Variants in RBFOX3 observed in about 807,000 individuals in gnomAD.
The protein encoded by RBFOX3 is RNA binding fox-1 homolog 3, also known as RNA binding protein fox-1 homolog 3.
In RBFOX3, 17 loss-of-function variants were observed where a neutral mutation model predicts 48.7. The observed-to-expected ratio is 0.35, with a 90% CI of 0.24 to 0.52. The LOEUF is 0.52. Ranked by LOEUF, RBFOX3 falls within the 20% of genes least tolerant of loss-of-function variation. The pLI is 0.94. For missense variants in RBFOX3, 382 were observed against 497.5 expected, an observed-to-expected ratio of 0.77 and a Z score of 2.21; for synonymous variants, 212 against 209.5, an observed-to-expected ratio of 1.01 and a Z score of -0.10.
At chr17:79,393,939 A>G (rs149312871) in intron 2 of RBFOX3, among the ~76,000 whole-genome samples, 1 of 110,918 alleles carries the variant, frequency 9.0e-6, no homozygotes, top group African/African-American at 3.1e-5. Flanking sequence ...CGGTCATCAT[A>G]CACATCATCT....
At chr17:79,127,315 C>G (rs770435702) in intron 4 of RBFOX3, among the ~76,000 whole-genome samples, 1 of 152,080 alleles carries the variant, frequency 6.6e-6, no homozygotes, top group Non-Finnish European at 1.5e-5. Context: ...GTAGTTTCCA[C>G]GAGCCAGAGG....
At chr17:79,301,955 G>A (rs533314554) in intron 3 of RBFOX3, among the ~76,000 whole-genome samples, 148 of 152,264 alleles carry the variant, frequency 9.7e-4, no homozygotes, top group Non-Finnish European at 1.6e-3. Context: ...ACTGGGGGAG[G>A]GGGTGGTTTC....
At position 79,094,494 on chromosome 17, in the gene RBFOX3, T is replaced by C; in HGVS notation, c.1034A>G (p.His345Arg). The change falls in exon 14 of 15, where the codon CAT becomes CGT. Residue 345 changes from histidine to arginine, a missense_variant. His to Arg is a conservative substitution (Grantham distance 29). Around this residue, in one of 3 missense-constraint regions of RBFOX3, gnomAD observed 215 missense variants for 254.8 expected, o/e 0.84. Coordinates refer to ENST00000693108, the MANE Select transcript of RBFOX3 (RefSeq NM_001350451.2). Reference sequence around the variant, plus strand: ...GGTCGCCGCGGGCCCGATGGTGTGATGGTACGGGTCGGCAGCTGCGTAGAC... The same window carrying C: ...GGTCGCCGCGGGCCCGATGGTGTGACGGTACGGGTCGGCAGCTGCGTAGAC... ...GRVYAAADPY[H>R]HTIGPAATYS... 1 of 1,380,338 alleles carries C rather than the reference T, an allele frequency of 7.2e-7. No individual in the cohort carries two copies. The highest frequency in any genetic ancestry group is 9.4e-7 in the Non-Finnish European group (1 of 1,058,634). The allele number at this position is 1,380,338 out of a possible 1,614,324, so 85.5% of individuals were successfully genotyped here. A position where few individuals can be genotyped will look rare whatever the true frequency, so the allele number is the denominator to read the frequency against.
intron 2 of RBFOX3, among the ~76,000 whole-genome samples, chr17:79,385,751 G>C (rs1330393311): frequency 6.6e-6 from 1 of 152,028 alleles, no homozygotes; most frequent in Non-Finnish European, 1.5e-5. Flanking sequence ...ATTACAGATG[G>C]GGGCTCCATC....
intron 3 of RBFOX3, among the ~76,000 whole-genome samples, chr17:79,297,992 G>A (rs1168476845): frequency 6.6e-6 from 1 of 152,226 alleles, no homozygotes; most frequent in Admixed American, 6.5e-5. Flanking sequence ...TCTCCTTGTG[G>A]AGAGTTCGCC....
Position 79,479,939 on chromosome 17 carries a change from GGGGGTCTCTCGTCCTGCACT to G in RBFOX3, c.-175+2495_-175+2514del, listed in dbSNP as rs2078537528. Among the ~76,000 whole-genome samples the G allele has an allele frequency of 6.6e-6, 1 of 152,204 alleles. No individual in the cohort carries two copies. The highest frequency in any genetic ancestry group is 6.5e-5 in the Admixed American group (1 of 15,282). On this transcript the variant is annotated intron_variant, in intron 2 of 14. Transcript: ENST00000693108. The surrounding 1 kb of genome is among the most constrained non-coding windows in gnomAD (Gnocchi z 5.1). ...GTTCCAGAGACAGAGCATGATCTCAGGGGGTCTCTCGTCCTGCACTGAGGCCAGCCCCAAACCTCGTGCCC... is the reference window on the plus strand; with the variant it reads ...GTTCCAGAGACAGAGCATGATCTCAGGAGGCCAGCCCCAAACCTCGTGCCC...
intron 4 of RBFOX3, among the ~76,000 whole-genome samples, chr17:79,215,918 G>A (rs879854509): frequency 9.2e-5 from 14 of 152,374 alleles, no homozygotes; most frequent in South Asian, 8.3e-4. Context: ...GCATTTGGAC[G>A]TCGTCCTGAG....
chr17:79,514,095 G>A (rs1389802713), intron 1 of RBFOX3, among the ~76,000 whole-genome samples: 2 of 152,166 alleles, frequency 1.3e-5, no homozygotes, highest in African/African-American at 2.4e-5. Context: ...GTTGCTGGGT[G>A]GGGACCATGT....
intron 4 of RBFOX3, among the ~76,000 whole-genome samples, chr17:79,215,972 T>C (rs2612753): frequency 2.6e-5 from 4 of 152,182 alleles, no homozygotes; most frequent in East Asian, 1.9e-4. Context: ...TTTAACCCGA[T>C]AGCCTTGCAA....
chr17:79,653,531 G>T, the RBFOX3 span, among the ~76,000 whole-genome samples: 1 of 152,128 alleles, frequency 6.6e-6, no homozygotes, highest in Admixed American at 6.5e-5. Flanking sequence ...TTGTTTAGGT[G>T]TAAGTGAGAT....
rs2056907648 is a variant in RBFOX3, at chr17:79,202,471, TAAGCGCAGAGCCATAC to T, written c.-34+33279_-34+33294del. Among the ~76,000 whole-genome samples, 5 of 152,190 alleles carry T rather than the reference TAAGCGCAGAGCCATAC, an allele frequency of 3.3e-5. No homozygotes were observed. In the South Asian group the frequency reaches 1.0e-3, roughly 31 times the overall value. On this transcript the variant is annotated intron_variant, in intron 4 of 14. Coordinates refer to ENST00000693108, the MANE Select transcript of RBFOX3 (RefSeq NM_001350451.2). ...GGGGTGCTGGGAGCAATCCCTTATA[TAAGCGCAGAGCCATAC>T]AGCTTACGAAAATTTCACCAACACC...
At chr17:79,137,015 C>A (rs565121871) in intron 4 of RBFOX3, among the ~76,000 whole-genome samples, 1 of 152,292 alleles carries the variant, frequency 6.6e-6, no homozygotes, top group Admixed American at 6.5e-5. Flanking sequence ...CCTTCACAAC[C>A]CTGGCATCCC....
rs1317163943 is a variant in RBFOX3, at chr17:79,404,340, G to T, written c.-175+78114C>A. 3.7e-5 allele frequency among the ~76,000 whole-genome samples: 3 copies of T among 81,582 alleles called. No homozygotes were observed. In the Admixed American group the frequency reaches 4.1e-4, roughly 11 times the overall value. The allele number at this position is 81,582 out of a possible 152,430, so 53.5% of individuals were successfully genotyped here. A position where few individuals can be genotyped will look rare whatever the true frequency, so the allele number is the denominator to read the frequency against. On this transcript the variant is annotated intron_variant, in intron 2 of 14. Transcript: ENST00000693108. ...CTCCCTCCTAAGCCAACTCTTTGAG[G>T]TGAGCAGTCTACACTCCGGGCATGA...
At chr17:79,518,229 C>T (rs1213431407) in intron 1 of RBFOX3, among the ~76,000 whole-genome samples, 4 of 152,208 alleles carry the variant, frequency 2.6e-5, no homozygotes, top group African/African-American at 9.7e-5. Context: ...CTCCTCTTTT[C>T]GCCTTGGTGT....
rs767559871 is a variant in RBFOX3 at position 79,111,820 on chromosome 17, T to A, written c.222+3674A>T. Among the ~76,000 whole-genome samples, 11 of 152,350 alleles carry A rather than the reference T, an allele frequency of 7.2e-5. No homozygotes were observed. Among genetic ancestry groups the A allele is most frequent in the Non-Finnish European group, 1.3e-4 (9 of 68,036 alleles). The stretch of plus-strand genomic sequence containing the variant: ...GCGTGACCCCGAGTGAGTGAATACA[T>A]GCTCCAGATGGTGACCCCTGCTGGG... On this transcript the variant is annotated intron_variant, in intron 5 of 14. Coordinates refer to ENST00000693108, the MANE Select transcript of RBFOX3 (RefSeq NM_001350451.2). This position sits in a 1 kb window ranked among gnomAD's most constrained non-coding sequence, Gnocchi z 4.2.
At chr17:79,321,810 A>T (rs2078567471) in intron 2 of RBFOX3, among the ~76,000 whole-genome samples, 1 of 151,544 alleles carries the variant, frequency 6.6e-6, no homozygotes, top group African/African-American at 2.4e-5. Context: ...GGTTCAAGCA[A>T]ATCTCCAGCC....
chr17:79,636,279 ATG>A, the RBFOX3 span, among the ~76,000 whole-genome samples: 1 of 152,054 alleles, frequency 6.6e-6, no homozygotes, highest in Admixed American at 6.5e-5. Context: ...ATAAAGGATT[ATG>A]TGTGTGTGTG....
Position 79,423,902 on chromosome 17 carries a change from G to A in RBFOX3, c.-175+58552C>T, listed in dbSNP as rs62061671. On this transcript the variant is annotated intron_variant, in intron 2 of 14. Coordinates refer to ENST00000693108, the MANE Select transcript of RBFOX3 (RefSeq NM_001350451.2). The surrounding 1 kb of genome is among the most constrained non-coding windows in gnomAD (Gnocchi z 4.9). ...ATGCCCTCAGCTCCCTGAGGCCTTT[G>A]CAGCCACTATGCCCTCTACACGGAA... 5,648 of 153,590 alleles carry A rather than the reference G, an allele frequency of 0.037. 146 individuals carry two copies. Among genetic ancestry groups the A allele is most frequent in the South Asian group, 0.07 (337 of 4,826 alleles). 9.5% of individuals were successfully genotyped at this position (153,590 alleles called of 1,614,324 possible). A position where few individuals can be genotyped will look rare whatever the true frequency, so the allele number is the denominator to read the frequency against.
At chr17:79,225,858 C>G (rs1295260516) in intron 4 of RBFOX3, among the ~76,000 whole-genome samples, 2 of 152,170 alleles carry the variant, frequency 1.3e-5, no homozygotes, top group African/African-American at 4.8e-5. Context: ...CTGGGCTTTA[C>G]CCCGTACTGG....
Sources: allele counts gnomAD v4.1 joint callset (sites outside exome capture counted in the v4.1 genomes callset), GRCh38; gene constraint gnomAD v4.1.1; regional missense constraint gnomAD v4.1.1; non-coding constraint Gnocchi (gnomAD v3.1); transcripts MANE v1.5; gene names NCBI Gene and HGNC (gene_info 2026-07-23, HGNC 2026-07-21).